Variants in SLC16A10 observed in about 807,000 individuals in gnomAD.
SLC16A10 encodes monocarboxylate transporter 10.
A neutral mutation model predicts 40.0 loss-of-function variants in SLC16A10; 27 were observed. The observed-to-expected ratio is 0.67, with a 90% CI of 0.50 to 0.93. The LOEUF is 0.93. SLC16A10 is among the 40% of genes least tolerant of loss of function. SLC16A10 has a pLI of 0.00. For synonymous variants in SLC16A10, 213 were observed against 249.8 expected, an observed-to-expected ratio of 0.85 and a Z score of 1.39; for missense variants, 529 against 658.2, an observed-to-expected ratio of 0.80 and a Z score of 2.15.
chr6:111,148,028 T>C (rs772755768), intron 1 of SLC16A10, among the ~76,000 whole-genome samples: 2 of 152,226 alleles, frequency 1.3e-5, no homozygotes, highest in Non-Finnish European at 2.9e-5. Flanking sequence ...AGATGCCTGT[T>C]ATTTAAATTT....
chr6:111,202,544 C>T (rs1212877461), intron 3 of SLC16A10, among the ~76,000 whole-genome samples: 1 of 151,602 alleles, frequency 6.6e-6, no homozygotes, highest in African/African-American at 2.4e-5. Flanking sequence ...TTTTTAATCC[C>T]CTGGAAGTGT....
At chr6:111,221,305 C>T (rs1210075555) in intron 5 of SLC16A10, among the ~76,000 whole-genome samples, 1 of 152,158 alleles carries the variant, frequency 6.6e-6, no homozygotes, top group East Asian at 1.9e-4. Context: ...ACATTTTCTT[C>T]CAGGTACTTA....
intron 4 of SLC16A10, among the ~76,000 whole-genome samples, chr6:111,212,917 A>G (rs1022330722): frequency 6.6e-6 from 1 of 152,190 alleles, no homozygotes; most frequent in Admixed American, 6.5e-5. Flanking sequence ...TTCCCAGAAT[A>G]TATACTTTAT....
chr6:111,136,756 A>C (rs1175851499), intron 1 of SLC16A10, among the ~76,000 whole-genome samples: 1 of 152,232 alleles, frequency 6.6e-6, no homozygotes, highest in Non-Finnish European at 1.5e-5. Context: ...CAGAGTGTGT[A>C]GTGGTCAGTG....
chr6:111,092,340 G>C (rs147322680), intron 1 of SLC16A10, among the ~76,000 whole-genome samples: 102 of 92,242 alleles, frequency 1.1e-3, no homozygotes, highest in African/African-American at 5.4e-3. Flanking sequence ...TTTTTTTTGA[G>C]ACAGATTCTC....
At chr6:111,141,268 A>G (rs1771977417) in intron 1 of SLC16A10, among the ~76,000 whole-genome samples, 1 of 152,222 alleles carries the variant, frequency 6.6e-6, no homozygotes, top group African/African-American at 2.4e-5. Flanking sequence ...TAATCAAGAT[A>G]TTTTGGTATT....
At position 111,225,916 on chromosome 6, in the gene SLC16A10, T is replaced by A. The variant is rs1318207913; in HGVS notation, c.*3681T>A. Reference sequence around the variant, plus strand: ...CTTCAAAAACCTCCTGAAGAGTCCATTAACATCCATGCTTAGTTCCACTGG... The same window carrying A: ...CTTCAAAAACCTCCTGAAGAGTCCAATAACATCCATGCTTAGTTCCACTGG... On this transcript the variant is annotated 3_prime_UTR_variant, in exon 6 of 6. Coordinates refer to ENST00000368851, the MANE Select transcript of SLC16A10 (RefSeq NM_018593.5). The A allele has an allele frequency of 3.9e-5, 6 of 152,304 alleles. No individual in the cohort carries two copies. Among genetic ancestry groups the A allele is most frequent in the Non-Finnish European group, 7.3e-5 (5 of 68,032 alleles). The allele number at this position is 152,304 out of a possible 1,614,324, so 9.4% of individuals were successfully genotyped here. A position where few individuals can be genotyped will look rare whatever the true frequency, so the allele number is the denominator to read the frequency against.
chr6:111,203,461 T>C (rs187269974), intron 3 of SLC16A10, among the ~76,000 whole-genome samples: 353 of 151,862 alleles, frequency 2.3e-3, no homozygotes, highest in Non-Finnish European at 4.6e-3. Context: ...AGGCCAGGCG[T>C]GGTGGCTCAT....
intron 1 of SLC16A10, among the ~76,000 whole-genome samples, chr6:111,155,670 T>G (rs902769507): frequency 6.6e-6 from 1 of 152,326 alleles, no homozygotes; most frequent in African/African-American, 2.4e-5. Flanking sequence ...GAATAACCTG[T>G]GTGATAATGA....
chr6:111,128,913 CA>C (rs1374764301), intron 1 of SLC16A10, among the ~76,000 whole-genome samples: 2 of 128,496 alleles, frequency 1.6e-5, no homozygotes, highest in Non-Finnish European at 1.9e-5. Flanking sequence ...ATATTCATTT[CA>C]ATTGTTTATT....
chr6:111,206,713 G>C lies in SLC16A10; in HGVS notation c.1064G>C (p.Gly355Ala). ...LFGRIADYVP[G>A]VKKVYLQVLS... is the part of the protein sequence containing the mutation. Reference sequence around the variant, plus strand: ...GGCCGGATTGCAGATTATGTGCCTGGTGTGAAGAAGGTTTATCTACAGGTA... The same window carrying C: ...GGCCGGATTGCAGATTATGTGCCTGCTGTGAAGAAGGTTTATCTACAGGTA... The change falls in exon 4 of 6, where the codon GGT becomes GCT. Residue 355 changes from glycine (G) to alanine (A), a missense_variant. Coordinates refer to ENST00000368851, the MANE Select transcript of SLC16A10 (RefSeq NM_018593.5). 6.2e-7 allele frequency: 1 copy of C among 1,614,138 alleles called. No homozygotes were observed. The highest frequency in any genetic ancestry group is 8.5e-7 in the Non-Finnish European group (1 of 1,180,034).
intron 1 of SLC16A10, among the ~76,000 whole-genome samples, chr6:111,170,474 G>T (rs531206042): frequency 6.6e-6 from 1 of 152,138 alleles, no homozygotes; most frequent in Non-Finnish European, 1.5e-5. Flanking sequence ...TTGAGAAAGC[G>T]TCTCGCTCAG....
chr6:111,208,198 C>T (rs923992750), intron 4 of SLC16A10, among the ~76,000 whole-genome samples: 1 of 152,028 alleles, frequency 6.6e-6, no homozygotes, highest in Non-Finnish European at 1.5e-5. Context: ...AGGCTGGTCT[C>T]GAACTCCTGG....
chr6:111,100,992 C>CTATATATATATA (rs71021826), intron 1 of SLC16A10, among the ~76,000 whole-genome samples: 9 of 66,416 alleles, frequency 1.4e-4, no homozygotes, highest in South Asian at 5.3e-4. Context: ...CTCTCTCTCT[C>CTATATATATATA]TATATATATA....
chr6:111,180,233 A>G (rs549845137), intron 3 of SLC16A10, among the ~76,000 whole-genome samples: 10 of 152,328 alleles, frequency 6.6e-5, no homozygotes, highest in African/African-American at 2.4e-4. Flanking sequence ...AGGGAAGACT[A>G]AGGCCCGGAA....
At chr6:111,170,680 C>A (rs1176860043) in intron 1 of SLC16A10, among the ~76,000 whole-genome samples, 1 of 152,138 alleles carries the variant, frequency 6.6e-6, no homozygotes, top group Non-Finnish European at 1.5e-5. Context: ...AACTCCTGAC[C>A]TCAGGTGATC....
intron 1 of SLC16A10, among the ~76,000 whole-genome samples, chr6:111,158,679 AT>A (rs1269076757): frequency 6.6e-6 from 1 of 152,102 alleles, no homozygotes; most frequent in African/African-American, 2.4e-5. Context: ...TAACTTTAGT[AT>A]TTTTTTGTAT....
chr6:111,200,098 C>A (rs559712360), intron 3 of SLC16A10, among the ~76,000 whole-genome samples: 4 of 152,254 alleles, frequency 2.6e-5, no homozygotes, highest in Admixed American at 6.5e-5. Flanking sequence ...AAACAAACAA[C>A]CAATCACCCA....
intron 1 of SLC16A10, among the ~76,000 whole-genome samples, chr6:111,150,320 T>G (rs901810128): frequency 6.6e-6 from 1 of 152,190 alleles, no homozygotes; most frequent in African/African-American, 2.4e-5. Context: ...CCTCCAGAAC[T>G]GTAAGAAATA....
Sources: gnomAD v4.1 joint callset for allele counts (sites outside exome capture counted in the v4.1 genomes callset) on GRCh38, gnomAD v4.1.1 for gene constraint, MANE v1.5 for transcripts, NCBI Gene and HGNC (gene_info 2026-07-23, HGNC 2026-07-21) for gene names.